Variants in SERTAD2 observed in about 807,000 individuals in gnomAD.
SERTAD2 encodes the protein SERTA domain containing 2.
A neutral mutation model predicts 15.4 loss-of-function variants in SERTAD2; 2 were observed. The observed-to-expected ratio is 0.13, with a 90% CI of 0.05 to 0.41. The LOEUF is 0.41. SERTAD2 is among the 10% of genes least tolerant of loss of function. The pLI is 0.99. For missense variants in SERTAD2, 333 were observed against 409.7 expected, an observed-to-expected ratio of 0.81 and a Z score of 1.62; for synonymous variants, 180 against 178.0, an observed-to-expected ratio of 1.01 and a Z score of -0.09.
intron 1 of SERTAD2, among the ~76,000 whole-genome samples, chr2:64,640,473 GCC>G (rs1411472525): frequency 2.8e-4 from 12 of 42,754 alleles, no homozygotes; most frequent in Admixed American, 6.0e-4. Context: ...CTCCTCAGAA[GCC>G]TCTCTTTCCT....
chr2:64,653,431 C>T (rs1320626112), intron 1 of SERTAD2, among the ~76,000 whole-genome samples, 189 bp downstream of exon 1: 4 of 151,782 alleles, frequency 2.6e-5, no homozygotes, highest in Non-Finnish European at 5.9e-5. Context: ...GGGGCCCGGA[C>T]CGGGGCCGCG....
chr2:64,640,923 T>C (rs556681578), intron 1 of SERTAD2, among the ~76,000 whole-genome samples: 5 of 152,332 alleles, frequency 3.3e-5, no homozygotes, highest in South Asian at 4.1e-4. Flanking sequence ...TTCTACTGAA[T>C]AGTCATTGGC....
At chr2:64,644,593 C>T (rs1245283146) in intron 1 of SERTAD2, 2 of 152,246 alleles carry the variant, frequency 1.3e-5, no homozygotes, top group African/African-American at 2.4e-5. Flanking sequence ...TCAAATATTA[C>T]ACCTTAAACA....
At chr2:64,648,849 A>C (rs1431067433) in intron 1 of SERTAD2, among the ~76,000 whole-genome samples, 1 of 152,154 alleles carries the variant, frequency 6.6e-6, no homozygotes, top group African/African-American at 2.4e-5. Flanking sequence ...CTATTTAAAA[A>C]AATTAGTTTG....
chr2:64,652,432 A>G (rs371310649), intron 1 of SERTAD2, among the ~76,000 whole-genome samples: 53 of 152,360 alleles, frequency 3.5e-4, no homozygotes, highest in African/African-American at 1.3e-3. Context: ...GTCAGGGACT[A>G]GTCTCTAACT....
intron 1 of SERTAD2, among the ~76,000 whole-genome samples, chr2:64,638,740 T>C (rs149981589): frequency 6.6e-6 from 1 of 152,372 alleles, no homozygotes; most frequent in East Asian, 1.9e-4. Flanking sequence ...CAGTAATTAA[T>C]TGTTCTTCAG....
At chr2:64,645,485 C>T (rs1674884317) in intron 1 of SERTAD2, among the ~76,000 whole-genome samples, 1 of 152,054 alleles carries the variant, frequency 6.6e-6, no homozygotes, top group South Asian at 2.1e-4. Context: ...GGGTTGTTTT[C>T]TAAAGTCCAA....
At chr2:64,650,181 CAA>C (rs1264528675) in intron 1 of SERTAD2, among the ~76,000 whole-genome samples, 3 of 152,104 alleles carry the variant, frequency 2.0e-5, no homozygotes, top group East Asian at 1.9e-4. Flanking sequence ...GCAGAATTTT[CAA>C]AAGAGAGTTT....
At chr2:64,640,833 A>C (rs1188200678) in intron 1 of SERTAD2, among the ~76,000 whole-genome samples, 1 of 151,472 alleles carries the variant, frequency 6.6e-6, no homozygotes, top group Non-Finnish European at 1.5e-5. Context: ...GGGGTTGGAG[A>C]CTCCCACGTG....
At chr2:64,642,824 G>A (rs1038495529) in intron 1 of SERTAD2, among the ~76,000 whole-genome samples, 1 of 152,214 alleles carries the variant, frequency 6.6e-6, no homozygotes, top group Non-Finnish European at 1.5e-5. Context: ...GTCAAAAAAA[G>A]ATGCAAAAGT....
chr2:64,641,647 G>GGT (rs146198564), intron 1 of SERTAD2, among the ~76,000 whole-genome samples: 2,817 of 151,640 alleles, frequency 0.019, 71 homozygotes, highest in African/African-American at 0.062. Context: ...AACAGAGCCA[G>GGT]GTGTGTGTGT....
At chr2:64,642,181 C>T (rs546574797) in intron 1 of SERTAD2, among the ~76,000 whole-genome samples, 3 of 152,288 alleles carry the variant, frequency 2.0e-5, no homozygotes, top group Non-Finnish European at 4.4e-5. Context: ...CATTAGAAAA[C>T]AAAATACTGC....
chr2:64,643,900 C>T (rs1044194993), intron 1 of SERTAD2, among the ~76,000 whole-genome samples: 3 of 152,000 alleles, frequency 2.0e-5, no homozygotes, highest in Non-Finnish European at 4.4e-5. Flanking sequence ...AAAAAAAACA[C>T]CAAGCTGTAT....
At chr2:64,644,459 C>T (rs376310301) in intron 1 of SERTAD2, among the ~76,000 whole-genome samples, 1 of 152,236 alleles carries the variant, frequency 6.6e-6, no homozygotes, top group Non-Finnish European at 1.5e-5. Context: ...GAGGGCGGGA[C>T]GCTGAGGACC....
chr2:64,646,151 A>ACAAAC (rs5831713), intron 1 of SERTAD2, among the ~76,000 whole-genome samples: 8 of 152,198 alleles, frequency 5.3e-5, no homozygotes, highest in African/African-American at 1.7e-4. Flanking sequence ...AAACAAACAA[A>ACAAAC]AAAAAACCCA....
intron 1 of SERTAD2, chr2:64,644,852 G>C (rs1674860530): frequency 6.6e-6 from 1 of 152,248 alleles, no homozygotes; most frequent in Non-Finnish European, 1.5e-5. Context: ...AAGGTGCTGG[G>C]GCATCCAAAC....
chr2:64,632,464 G>A lies in SERTAD2; in HGVS notation c.*3463C>T, dbSNP rs1000898844. Reference sequence around the variant, plus strand: ...GGCTATGGCGATAAAAAGCTCAATTGGTAAAGACACTCGAGAGGTGCAGAG... The same window carrying A: ...GGCTATGGCGATAAAAAGCTCAATTAGTAAAGACACTCGAGAGGTGCAGAG... On this transcript the variant is annotated 3_prime_UTR_variant, in exon 2 of 2. Coordinates refer to ENST00000313349, the MANE Select transcript of SERTAD2 (RefSeq NM_014755.3). 1 of 152,554 alleles carries A rather than the reference G, an allele frequency of 6.6e-6. No individual in the cohort carries two copies. The highest frequency in any genetic ancestry group is 1.5e-5 in the Non-Finnish European group (1 of 68,036). The allele number at this position is 152,554 out of a possible 1,614,324, so 9.5% of individuals were successfully genotyped here. A position where few individuals can be genotyped will look rare whatever the true frequency, so the allele number is the denominator to read the frequency against.
rs987086602 is a variant in SERTAD2 at position 64,634,855 on chromosome 2, A to C, written c.*1072T>G. The C allele has an allele frequency of 6.6e-6, 1 of 152,612 alleles. No individual in the cohort carries two copies. The highest frequency in any genetic ancestry group is 2.4e-5 in the African/African-American group (1 of 41,456). 9.5% of individuals were successfully genotyped at this position (152,612 alleles called of 1,614,324 possible). A position where few individuals can be genotyped will look rare whatever the true frequency, so the allele number is the denominator to read the frequency against. On this transcript the variant is annotated 3_prime_UTR_variant, in exon 2 of 2. Coordinates refer to ENST00000313349, the MANE Select transcript of SERTAD2 (RefSeq NM_014755.3). ...CTGGGTTTTCATTAAAAAACAAAATAAAAACAATTAAAAGCGCAAACTTGG... is the reference window on the plus strand; with the variant it reads ...CTGGGTTTTCATTAAAAAACAAAATCAAAACAATTAAAAGCGCAAACTTGG...
rs757624518 is a variant in SERTAD2, at chr2:64,636,035, G to A, written c.837C>T (p.Leu279=). The A allele has an allele frequency of 1.9e-6, 3 of 1,614,152 alleles. No individual in the cohort carries two copies. The highest frequency in any genetic ancestry group is 1.1e-5 in the South Asian group (1 of 91,080). ...SKMAPVSADD[L]LKTLAPYSSQ... is the part of the protein sequence containing the mutation. ...TGCTGTAAGGAGCCAGAGTTTTGAG[G>A]AGGTCGTCGGCAGACACAGGGGCCA... The change falls in exon 2 of 2, where the codon CTC becomes CTT. Residue 279 remains leucine, a synonymous_variant. Transcript: ENST00000313349.
Sources: allele counts gnomAD v4.1 joint callset (sites outside exome capture counted in the v4.1 genomes callset), GRCh38; gene constraint gnomAD v4.1.1; transcripts MANE v1.5; gene names NCBI Gene and HGNC (gene_info 2026-07-23, HGNC 2026-07-21).